Variants in CEACAM8 observed in about 807,000 individuals in gnomAD.
CEACAM8 encodes CEA cell adhesion molecule 8, also known as cell adhesion molecule CEACAM8.
Under a neutral mutation model 33.4 loss-of-function variants are expected in CEACAM8, and 31 were observed. That is an observed-to-expected ratio of 0.93 (90% CI 0.70 to 1.25). The LOEUF (loss-of-function observed/expected upper bound fraction) is 1.25, where lower values mean the gene tolerates loss of function less well. Among genes scored for constraint, CEACAM8 ranks in the 50% most tolerant of loss-of-function variants. CEACAM8 has a pLI of 0.00. For synonymous variants in CEACAM8, 138 were observed against 164.5 expected (o/e 0.84, Z 1.23); for missense variants, 388 against 434.6 (o/e 0.89, Z 0.95).
Position 42,594,824 on chromosome 19 carries a change from C to T in CEACAM8, c.5G>A (p.Gly2Glu), listed in dbSNP as rs199932487. 1 of 1,610,264 alleles carries T rather than the reference C, an allele frequency of 6.2e-7. No homozygotes were observed. The highest frequency in any genetic ancestry group is 2.2e-5 in the East Asian group (1 of 44,744). ...TCTGCAGGAAGGGGCTGAGATGGGC[C>T]CCATGGTCTCTGCTGCCTGCGTGTT... M[G>E]PISAPSCRWR... Residue 2 changes from glycine to glutamate, a missense_variant, in exon 1 of 6, where the codon GGG (glycine) becomes GAG (glutamate). By Grantham distance (98) the Gly-to-Glu change is moderately conservative. Coordinates refer to ENST00000244336, the MANE Select transcript of CEACAM8 (RefSeq NM_001816.4).
At chr19:42,589,318 G>T in intron 3 of CEACAM8, 139 bp downstream of exon 3, 1 of 1,369,610 alleles carries the variant, frequency 7.3e-7, no homozygotes, top group Non-Finnish European at 1.0e-6. Flanking sequence ...GCCTGGGGCA[G>T]AAAGTCATGA....
chr19:42,591,107 C>A (rs931200312), intron 2 of CEACAM8, among the ~76,000 whole-genome samples: 21 of 152,082 alleles, frequency 1.4e-4, no homozygotes, highest in Non-Finnish European at 2.1e-4. Flanking sequence ...CAATGTGTAA[C>A]TCTAATTTGC....
chr19:42,593,795 T>C lies in CEACAM8; in HGVS notation c.170A>G (p.Asn57Ser), dbSNP rs115723671. The part of the protein sequence containing the change: ...EGKEVLLLVH[N>S]LPQDPRGYNW... ...GTAGCCACGAGGGTCCTGGGGCAGA[T>C]TGTGGACAAGTAGAAGAACCTCCTT... The change falls in exon 2 of 6, where the codon AAT (asparagine) becomes AGT (serine). Residue 57 changes from asparagine to serine, a missense_variant. Coordinates refer to ENST00000244336, the MANE Select transcript of CEACAM8 (RefSeq NM_001816.4). 2.9e-5 allele frequency: 47 copies of C among 1,614,028 alleles called. No individual in the cohort carries two copies. In the African/African-American group the frequency reaches 3.5e-4, roughly 12 times the overall value.
rs145300639 is a variant in CEACAM8, at chr19:42,589,636, G to A, written c.524C>T (p.Thr175Ile). 1 of 1,614,134 alleles carries A rather than the reference G, an allele frequency of 6.2e-7. No individual in the cohort carries two copies. The highest frequency in any genetic ancestry group is 1.3e-5 in the African/African-American group (1 of 74,938). The change falls in exon 3 of 6, where the codon ACC becomes ATC. Residue 175 changes from threonine to isoleucine, a missense_variant. Transcript: ENST00000244336. ...FTCEPETQNT[T>I]YLWWVNGQSL... Reference sequence around the variant, plus strand: ...CTGACCATTTACCCACCACAGGTAGGTTGTGTTCTGAGTCTCAGGTTCACA... The same window carrying A: ...CTGACCATTTACCCACCACAGGTAGATTGTGTTCTGAGTCTCAGGTTCACA...
At position 42,594,777 on chromosome 19, in the gene CEACAM8, G is replaced by T. The variant is rs143573502; in HGVS notation, c.52C>A (p.Leu18Ile). 2 of 1,610,400 alleles carry T rather than the reference G, an allele frequency of 1.2e-6. No homozygotes were observed. The highest frequency in any genetic ancestry group is 1.7e-6 in the Non-Finnish European group (2 of 1,177,548). Residue 18 changes from leucine (L) to isoleucine (I), a missense_variant, in exon 1 of 6, where the codon CTC becomes ATC. Physicochemically the swap from Leu to Ile is conservative, Grantham distance 5. Coordinates refer to ENST00000244336, the MANE Select transcript of CEACAM8 (RefSeq NM_001816.4). ...SCRWRIPWQG[L>I]LLTASLFTFW... ...GTCCTCTCCTCACCTGTGAGCAGGA[G>T]CCCCTGCCAGGGGATGCGCCATCTG...
At chr19:42,594,457 G>T (rs1377192378) in intron 1 of CEACAM8, among the ~76,000 whole-genome samples, 1 of 152,144 alleles carries the variant, frequency 6.6e-6, no homozygotes, top group East Asian at 1.9e-4. Flanking sequence ...TGAGGACAAT[G>T]TTTCATACCC....
chr19:42,593,631 C>A lies in CEACAM8; in HGVS notation c.334G>T (p.Val112Phe). 1 of 1,613,682 alleles carries A rather than the reference C, an allele frequency of 6.2e-7. No individual in the cohort carries two copies. The highest frequency in any genetic ancestry group is 8.5e-7 in the Non-Finnish European group (1 of 1,179,708). The change falls in exon 2 of 6, where the codon GTC becomes TTC. Residue 112 changes from valine (V) to phenylalanine (F), a missense_variant. Physicochemically the swap from Val to Phe is conservative, Grantham distance 50 (BLOSUM62 -1). Coordinates refer to ENST00000244336, the MANE Select transcript of CEACAM8 (RefSeq NM_001816.4). The part of the protein sequence containing the change: ...YPNASLLMRN[V>F]TRNDTGSYTL... ...TAGGATCCTGTGTCATTTCTGGTGA[C>A]GTTCCGCATCAGCAGGGATGCATTG...
At chr19:42,591,558 G>C (rs1267164697) in intron 2 of CEACAM8, among the ~76,000 whole-genome samples, 1 of 152,212 alleles carries the variant, frequency 6.6e-6, no homozygotes, top group Non-Finnish European at 1.5e-5. Context: ...CCCAAAACAG[G>C]TATGCGCAAT....
chr19:42,591,013 C>T (rs1248123377), intron 2 of CEACAM8, among the ~76,000 whole-genome samples: 1 of 152,306 alleles, frequency 6.6e-6, no homozygotes, highest in Admixed American at 6.5e-5. Context: ...CAAAATGCTC[C>T]AGTGAGCATT....
intron 2 of CEACAM8, among the ~76,000 whole-genome samples, chr19:42,592,760 T>C (rs2042468543): frequency 6.6e-6 from 1 of 152,044 alleles, no homozygotes; most frequent in South Asian, 2.1e-4. Context: ...ACAGCACGGG[T>C]TATTATTTGC....
In CEACAM8 at chr19:42,589,175, C is replaced by T. The variant is rs28393692; in HGVS notation, c.704-137G>A. 3.1e-3 allele frequency: 3,473 copies of T among 1,121,986 alleles called. 85 individuals are homozygous for T. The African/African-American group carries it at 0.044, about 14-fold the overall frequency. The allele number at this position is 1,121,986 out of a possible 1,614,324, so 69.5% of individuals were successfully genotyped here. A position where few individuals can be genotyped will look rare whatever the true frequency, so the allele number is the denominator to read the frequency against. On this transcript the variant is annotated intron_variant, in intron 3 of 5. Coordinates refer to ENST00000244336, the MANE Select transcript of CEACAM8 (RefSeq NM_001816.4). Reference sequence around the variant, plus strand: ...TCCCAACCAACCCCAACCAAACCCCCGCTGTTTCTACTGAGACAGAGTCCG... The same window carrying T: ...TCCCAACCAACCCCAACCAAACCCCTGCTGTTTCTACTGAGACAGAGTCCG...
intron 5 of CEACAM8, among the ~76,000 whole-genome samples, 167 bp from the exon 6 acceptor site, chr19:42,581,520 C>T (rs899144555): frequency 5.9e-5 from 9 of 152,246 alleles, no homozygotes; most frequent in African/African-American, 1.7e-4. Context: ...ACACTCATAT[C>T]GGTAACATAA....
chr19:42,594,593 A>G (rs2042511647), intron 1 of CEACAM8, among the ~76,000 whole-genome samples, 172 bp downstream of exon 1: 1 of 152,108 alleles, frequency 6.6e-6, no homozygotes, highest in South Asian at 2.1e-4. Context: ...TACCAATTCC[A>G]GTTCAATGTG....
At chr19:42,594,399 G>T (rs1171000278) in intron 1 of CEACAM8, among the ~76,000 whole-genome samples, 1 of 152,180 alleles carries the variant, frequency 6.6e-6, no homozygotes, top group African/African-American at 2.4e-5. Flanking sequence ...GCATTCCCTG[G>T]GCCCTCTGCT....
intron 5 of CEACAM8, 97 bp downstream of exon 5, chr19:42,583,109 G>GGGA (rs1425581603): frequency 1.7e-5 from 11 of 663,396 alleles, no homozygotes; most frequent in Non-Finnish European, 2.7e-5. Flanking sequence ...GGAGTTTATT[G>GGGA]GGAGGAGGAG....
At position 42,593,915 on chromosome 19, in the gene CEACAM8, G is replaced by C. The variant is rs766603994; in HGVS notation, c.65-15C>G. On this transcript the variant is annotated splice_polypyrimidine_tract_variant and intron_variant, in intron 1 of 5. Transcript: ENST00000244336. ...GAAAAGTGAGGCTAGGAGGGGGAGA[G>C]AGCATCAAGCAATATTGCAACATAT... 9.6e-6 allele frequency: 15 copies of C among 1,559,310 alleles called. No individual in the cohort carries two copies. Among genetic ancestry groups the C allele is most frequent in the Non-Finnish European group, 1.3e-5 (15 of 1,152,382 alleles).
At position 42,589,064 on chromosome 19, in the gene CEACAM8, G is replaced by A. The variant is rs374008915; in HGVS notation, c.704-26C>T. On this transcript the variant is annotated intron_variant, in intron 3 of 5. Coordinates refer to ENST00000244336, the MANE Select transcript of CEACAM8 (RefSeq NM_001816.4). ...CTAGAGCAAAAGAATAAAGTCACAG[G>A]TGATGTCATCAGAGGGAAGGGGAAG... 5 of 1,597,832 alleles carry A rather than the reference G, an allele frequency of 3.1e-6. No homozygotes were observed. The African/African-American group carries it at 4.0e-5, about 13-fold the overall frequency.
At chr19:42,589,883 C>T (rs1029321268) in intron 2 of CEACAM8, 148 bp from the exon 3 acceptor site, 20 of 1,487,762 alleles carry the variant, frequency 1.3e-5, no homozygotes, top group Non-Finnish European at 1.5e-5. Flanking sequence ...AAGACAGATG[C>T]ACAATGATCG....
In CEACAM8 at chr19:42,584,432, C is replaced by T. The variant is rs562880684; in HGVS notation, c.959-1095G>A. Among the ~76,000 whole-genome samples the T allele has an allele frequency of 1.1e-4, 16 of 152,206 alleles. No homozygotes were observed. The South Asian group carries it at 1.5e-3, about 14-fold the overall frequency. On this transcript the variant is annotated intron_variant, in intron 4 of 5. Coordinates refer to ENST00000244336, the MANE Select transcript of CEACAM8 (RefSeq NM_001816.4). ...CATTATTTCCATTTTACAGATGAAA[C>T]GACAGAGGCTTAGAGTGGTGAAAAA...
Sources: allele counts gnomAD v4.1 joint callset (sites outside exome capture counted in the v4.1 genomes callset), GRCh38; gene constraint gnomAD v4.1.1; transcripts MANE v1.5; gene names NCBI Gene and HGNC (gene_info 2026-07-23, HGNC 2026-07-21).